The following CCDC190 variants were observed in gnomAD, a reference collection of about 807,000 sequenced individuals.
CCDC190 encodes coiled-coil domain containing 190.
CCDC190 carries 10 observed loss-of-function variants against 13.1 expected under a neutral mutation model. The ratio of observed to expected loss-of-function variants is 0.77; its 90% CI spans 0.47 to 1.30. The LOEUF (loss-of-function observed/expected upper bound fraction) is 1.30. Ranked by LOEUF, CCDC190 falls within the 50% of genes most tolerant of loss-of-function variation. The pLI is 0.00. For synonymous variants in CCDC190, 136 were observed against 127.2 expected, an observed-to-expected ratio of 1.07 and a Z score of -0.47; for missense variants, 375 against 354.3, an observed-to-expected ratio of 1.06 and a Z score of -0.47.
At chr1:162,861,669 G>T (rs1320318587), upstream of CCDC190, among the ~76,000 whole-genome samples, 1 of 152,154 alleles carries the variant, frequency 6.6e-6, no homozygotes, top group Non-Finnish European at 1.5e-5. Flanking sequence ...TTTCAAAGTG[G>T]TGAAAACAGC....
At chr1:162,855,533 A>T in intron 3 of CCDC190, 99 bp downstream of exon 3, 1 of 1,538,024 alleles carries the variant, frequency 6.5e-7, no homozygotes, top group Non-Finnish European at 8.8e-7. Context: ...CTCACTTAAG[A>T]AGTGGAACGG....
chr1:162,855,535 G>A (rs1650270991), intron 3 of CCDC190, 97 bp downstream of exon 3: 2 of 1,535,648 alleles, frequency 1.3e-6, no homozygotes, highest in Non-Finnish European at 1.8e-6. Context: ...CACTTAAGAA[G>A]TGGAACGGAG....
chr1:162,852,814 G>A lies in CCDC190; in HGVS notation c.*1951C>T, dbSNP rs891016704. The A allele has an allele frequency of 1.4e-5, 5 of 349,558 alleles. No individual in the cohort carries two copies. The highest frequency in any genetic ancestry group is 1.3e-4 in the Admixed American group (3 of 22,874). The allele number at this position is 349,558 out of a possible 1,614,324, so 21.7% of individuals were successfully genotyped here. ...CCTTCCCGCTGTGAGAGCTAGTACAGTGAAAAGACCCACTTAGCAGTGACA... is the reference window on the plus strand; with the variant it reads ...CCTTCCCGCTGTGAGAGCTAGTACAATGAAAAGACCCACTTAGCAGTGACA... On this transcript the variant is annotated 3_prime_UTR_variant, in exon 4 of 4. Transcript: ENST00000367912.
chr1:162,862,530 G>C (rs537362743), upstream of CCDC190, among the ~76,000 whole-genome samples: 1 of 152,288 alleles, frequency 6.6e-6, no homozygotes, highest in South Asian at 2.1e-4. Context: ...AGAATCACAG[G>C]CAGGGCCAGA....
intron 2 of CCDC190, among the ~76,000 whole-genome samples, chr1:162,858,343 A>T (rs1258082921): frequency 6.6e-6 from 1 of 152,186 alleles, no homozygotes; most frequent in East Asian, 1.9e-4. Flanking sequence ...GTCCTTTTTG[A>T]ATAAGAGTGG....
chr1:162,854,247 T>C lies in CCDC190; in HGVS notation c.*518A>G, dbSNP rs1650206482. 1.0e-6 allele frequency: 1 copy of C among 985,388 alleles called. No homozygotes were observed. The allele number at this position is 985,388 out of a possible 1,614,324, so 61.0% of individuals were successfully genotyped here. On this transcript the variant is annotated 3_prime_UTR_variant, in exon 4 of 4. Coordinates refer to ENST00000367912, the MANE Select transcript of CCDC190 (RefSeq NM_001394065.1). ...GAGGGTGAAAACTAAAATGGAGCTA[T>C]CTGTAAATAAAGGAAGGAAGGAAAG...
chr1:162,859,822 A>T (rs910400812), intron 1 of CCDC190, among the ~76,000 whole-genome samples, 164 bp from the exon 2 acceptor site: 1 of 152,130 alleles, frequency 6.6e-6, no homozygotes, highest in Non-Finnish European at 1.5e-5. Flanking sequence ...AGAGTAACAC[A>T]GAAGGATTGA....
At position 162,853,040 on chromosome 1, in the gene CCDC190, G is replaced by T; in HGVS notation, c.*1725C>A. On this transcript the variant is annotated 3_prime_UTR_variant, in exon 4 of 4. Transcript: ENST00000367912. ...AAGTTTTTGTGAATCAATCAGTTCT[G>T]TCACTTATGGCCTGCCTTCCTCTGT... is the stretch of plus-strand genomic sequence containing the variant. 1 of 1,334,034 alleles carries T rather than the reference G, an allele frequency of 7.5e-7. No homozygotes were observed. Among genetic ancestry groups the T allele is most frequent in the Non-Finnish European group, 1.1e-6 (1 of 950,324 alleles). The allele number at this position is 1,334,034 out of a possible 1,614,324, so 82.6% of individuals were successfully genotyped here.
In CCDC190 at chr1:162,853,116, C is replaced by CTT. The variant is rs1226821495; in HGVS notation, c.*1647_*1648dup. 2.6e-6 allele frequency: 4 copies of CTT among 1,550,530 alleles called. No individual in the cohort carries two copies. The South Asian group carries it at 4.8e-5, about 18-fold the overall frequency. On this transcript the variant is annotated 3_prime_UTR_variant, in exon 4 of 4. Coordinates refer to ENST00000367912, the MANE Select transcript of CCDC190 (RefSeq NM_001394065.1). The stretch of plus-strand genomic sequence containing the variant: ...TGGAGGAAGCAGATTTCTTGTGTTC[C>CTT]TTTCACTATAAAGTATTGTCTCCCC...
chr1:162,867,804 T>A (rs77733636), intron 1 of CCDC190, among the ~76,000 whole-genome samples: 3,322 of 152,218 alleles, frequency 0.022, 127 homozygotes, highest in African/African-American at 0.074. Context: ...ATCTTACAGA[T>A]AACATGCTGG....
At chr1:162,863,052 A>T (rs778969321), upstream of CCDC190, among the ~76,000 whole-genome samples, 4 of 152,200 alleles carry the variant, frequency 2.6e-5, no homozygotes, top group Non-Finnish European at 5.9e-5. Flanking sequence ...ATAGTGATTG[A>T]AAGTATAAAG....
chr1:162,853,286 T>C lies in CCDC190; in HGVS notation c.*1479A>G, dbSNP rs1346070400. On this transcript the variant is annotated 3_prime_UTR_variant, in exon 4 of 4. Transcript: ENST00000367912. Reference sequence around the variant, plus strand: ...AGAGAGATCAAATGCTAGTCTGCCATCTATTAGCAAGTTACCACCACTCTT... The same window carrying C: ...AGAGAGATCAAATGCTAGTCTGCCACCTATTAGCAAGTTACCACCACTCTT... 1 of 659,176 alleles carries C rather than the reference T, an allele frequency of 1.5e-6. No individual in the cohort carries two copies. Among genetic ancestry groups the C allele is most frequent in the South Asian group, 2.5e-5 (1 of 40,816 alleles). 40.8% of individuals were successfully genotyped at this position (659,176 alleles called of 1,614,324 possible). A position where few individuals can be genotyped will look rare whatever the true frequency, so the allele number is the denominator to read the frequency against.
At position 162,855,255 on chromosome 1, in the gene CCDC190, G is replaced by A. The variant is rs766850708; in HGVS notation, c.416C>T (p.Pro139Leu). The A allele has an allele frequency of 3.7e-6, 6 of 1,613,926 alleles. No individual in the cohort carries two copies. In the South Asian group the frequency reaches 5.5e-5, roughly 15 times the overall value. Reference sequence around the variant, plus strand: ...GGCAGTTCTGTTATTTTGAGAGAGTGGCTGCTTTTTGCTCTTCATGGGGTC... The same window carrying A: ...GGCAGTTCTGTTATTTTGAGAGAGTAGCTGCTTTTTGCTCTTCATGGGGTC... ...LKDPMKSKKQ[P>L]LSQNNRTACF... The change falls in exon 4 of 4, where the codon CCA becomes CTA. Residue 139 changes from proline to leucine, a missense_variant. Coordinates refer to ENST00000367912, the MANE Select transcript of CCDC190 (RefSeq NM_001394065.1).
Position 162,851,527 on chromosome 1 carries a change from C to A in CCDC190, c.*3238G>T, listed in dbSNP as rs1384771521. On this transcript the variant is annotated 3_prime_UTR_variant, in exon 4 of 4. Coordinates refer to ENST00000367912, the MANE Select transcript of CCDC190 (RefSeq NM_001394065.1). Reference sequence around the variant, plus strand: ...TGGTAAAAACTTACCCAACTTTCCCCCAACACTGAGGATTGTGACACCCTT... The same window carrying A: ...TGGTAAAAACTTACCCAACTTTCCCACAACACTGAGGATTGTGACACCCTT... 1.3e-5 allele frequency: 2 copies of A among 152,072 alleles called. No individual in the cohort carries two copies. Among genetic ancestry groups the A allele is most frequent in the Admixed American group, 6.6e-5 (1 of 15,258 alleles). The allele number at this position is 152,072 out of a possible 1,614,324, so 9.4% of individuals were successfully genotyped here.
upstream of CCDC190, among the ~76,000 whole-genome samples, chr1:162,861,235 G>GC (rs1571047196): frequency 1.3e-5 from 2 of 152,260 alleles, no homozygotes; most frequent in East Asian, 3.9e-4. Context: ...AGCTCCTTGG[G>GC]CCATGGCACC....
rs964797096 is a variant in CCDC190, at chr1:162,854,386, T to A, written c.*379A>T. On this transcript the variant is annotated 3_prime_UTR_variant, in exon 4 of 4. Coordinates refer to ENST00000367912, the MANE Select transcript of CCDC190 (RefSeq NM_001394065.1). ...TTCCTACCACTACTATATATCAAAC[T>A]AAAACAGAGAGAATAGCTATGCCGT... 9.7e-7 allele frequency: 1 copy of A among 1,027,256 alleles called. No individual in the cohort carries two copies. The highest frequency in any genetic ancestry group is 1.2e-6 in the Non-Finnish European group (1 of 855,198). 63.6% of individuals were successfully genotyped at this position (1,027,256 alleles called of 1,614,324 possible).
rs1281232886 is a variant in CCDC190 at position 162,867,587 on chromosome 1, A to ATCCACTGCTGGAT, written c.-13+1065_-13+1066insATCCAGCAGTGGA. On this transcript the variant is annotated intron_variant, in intron 1 of 3. Coordinates refer to the CCDC190 transcript ENST00000367910. Reference sequence around the variant, plus strand: ...CCAGCACTTCCACTGCTGGATACTTAACCAAGAGAAATGAAAGCATGTGCT... The same window carrying ATCCACTGCTGGAT: ...CCAGCACTTCCACTGCTGGATACTTATCCACTGCTGGATACCAAGAGAAATGAAAGCATGTGCT... Among the ~76,000 whole-genome samples, 45 of 152,326 alleles carry ATCCACTGCTGGAT rather than the reference A, an allele frequency of 3.0e-4. No individual in the cohort carries two copies. The East Asian group carries it at 8.1e-3, about 27-fold the overall frequency.
upstream of CCDC190, among the ~76,000 whole-genome samples, chr1:162,861,584 A>G (rs1650520403): frequency 6.6e-6 from 1 of 152,052 alleles, no homozygotes; most frequent in African/African-American, 2.4e-5. Flanking sequence ...TTTGTTTATT[A>G]TGTGTTATTG....
intron 1 of CCDC190, among the ~76,000 whole-genome samples, chr1:162,867,777 G>A (rs1056733954): frequency 6.6e-6 from 1 of 152,088 alleles, no homozygotes; most frequent in Non-Finnish European, 1.5e-5. Context: ...CATTAATATG[G>A]GCAAAAGCAT....
Sources: gnomAD v4.1 joint callset for allele counts (sites outside exome capture counted in the v4.1 genomes callset) on GRCh38, gnomAD v4.1.1 for gene constraint, MANE v1.5 for transcripts, NCBI Gene and HGNC (gene_info 2026-07-23, HGNC 2026-07-21) for gene names.